Variants in MCF2L2 observed in about 807,000 individuals in gnomAD.
MCF2L2 encodes the protein probable guanine nucleotide exchange factor MCF2L2.
Under a neutral mutation model 150.2 loss-of-function variants are expected in MCF2L2, and 102 were observed. The ratio of observed to expected loss-of-function variants is 0.68; its 90% CI spans 0.58 to 0.80. The LOEUF is 0.80. MCF2L2 is among the 30% of genes least tolerant of loss of function. The probability of loss-of-function intolerance (pLI) is 0.00; values close to 1 mark genes in which losing one functional copy is unlikely to be tolerated. For synonymous variants in MCF2L2, 465 were observed against 491.3 expected, an observed-to-expected ratio of 0.95 and a Z score of 0.71; for missense variants, 1,256 against 1,372.8, an observed-to-expected ratio of 0.91 and a Z score of 1.34.
intron 1 of MCF2L2, among the ~76,000 whole-genome samples, chr3:183,401,417 T>C (rs1390016851): frequency 6.6e-6 from 1 of 152,190 alleles, no homozygotes; most frequent in African/African-American, 2.4e-5. Flanking sequence ...GAAGACTTTT[T>C]TAAAAAAAAA....
At chr3:183,340,846 G>A (rs1730668326) in intron 4 of MCF2L2, among the ~76,000 whole-genome samples, 2 of 152,198 alleles carry the variant, frequency 1.3e-5, no homozygotes, top group Admixed American at 1.3e-4. Context: ...GGGAGGCTGA[G>A]GCAGGAGAAT....
chr3:183,303,825 C>A (rs558251500), intron 10 of MCF2L2, among the ~76,000 whole-genome samples: 3 of 152,134 alleles, frequency 2.0e-5, no homozygotes, highest in Admixed American at 6.5e-5. Context: ...CTTTCCTGGG[C>A]GCCCAGGGTC....
At chr3:183,369,289 G>A (rs927084901) in intron 3 of MCF2L2, among the ~76,000 whole-genome samples, 3 of 152,064 alleles carry the variant, frequency 2.0e-5, no homozygotes, top group Non-Finnish European at 4.4e-5. Flanking sequence ...CCTTTCAAAA[G>A]ACTCTACCAC....
chr3:183,229,003 G>C (rs185779434), intron 17 of MCF2L2, among the ~76,000 whole-genome samples: 3 of 152,204 alleles, frequency 2.0e-5, no homozygotes, highest in Non-Finnish European at 2.9e-5. Context: ...TCAGTTTTGC[G>C]TCTGACCAAC....
chr3:183,387,837 C>T (rs1713918538), intron 2 of MCF2L2, among the ~76,000 whole-genome samples: 1 of 144,724 alleles, frequency 6.9e-6, no homozygotes, highest in African/African-American at 2.6e-5. Context: ...GAGGCTGAGG[C>T]AGGATAATCA....
chr3:183,315,940 C>A (rs1729585234), intron 7 of MCF2L2, among the ~76,000 whole-genome samples: 2 of 152,220 alleles, frequency 1.3e-5, no homozygotes, highest in Non-Finnish European at 2.9e-5. Flanking sequence ...TGCTCTTCGA[C>A]CTCTCCACGC....
chr3:183,409,234 C>T (rs1281758510), intron 1 of MCF2L2, among the ~76,000 whole-genome samples: 2 of 151,716 alleles, frequency 1.3e-5, no homozygotes, highest in Non-Finnish European at 2.9e-5. Flanking sequence ...CTTTCATTTT[C>T]TATTTGATTT....
chr3:183,261,961 TA>T (rs59219335), intron 15 of MCF2L2, among the ~76,000 whole-genome samples: 9,823 of 112,034 alleles, frequency 0.088, 1,095 homozygotes, highest in African/African-American at 0.27. Flanking sequence ...TGTCCAGCAT[TA>T]AAAAAAAAAA....
rs74285568 is a variant in MCF2L2 at position 183,326,862 on chromosome 3, C to T, written c.487-3511G>A. ...ACCCCCAAAATCCCTCCCTGAACCC[C>T]GGCAAACACTAATCTGATTTTTTAC... On this transcript the variant is annotated intron_variant, in intron 5 of 29. Transcript: ENST00000328913. 8.7e-3 allele frequency among the ~76,000 whole-genome samples: 1,320 copies of T among 152,160 alleles called. 46 individuals carry two copies. In the East Asian group the frequency reaches 0.087, roughly 10 times the overall value.
Position 183,202,746 on chromosome 3 carries a change from A to G in MCF2L2, c.2884+3130T>C, listed in dbSNP as rs189708667. Among the ~76,000 whole-genome samples, 17 of 152,376 alleles carry G rather than the reference A, an allele frequency of 1.1e-4. No individual in the cohort carries two copies. In the East Asian group the frequency reaches 3.3e-3, roughly 29 times the overall value. ...TAGTTTAGAAAAGTCACTATAACAA[A>G]CAACAATAAACAGCAACACCAACAA... is the stretch of plus-strand genomic sequence containing the variant. On this transcript the variant is annotated intron_variant, in intron 25 of 29. Coordinates refer to ENST00000328913, the MANE Select transcript of MCF2L2 (RefSeq NM_015078.4).
At chr3:183,366,916 G>C (rs758541395) in intron 3 of MCF2L2, among the ~76,000 whole-genome samples, 3 of 152,080 alleles carry the variant, frequency 2.0e-5, no homozygotes, top group Non-Finnish European at 4.4e-5. Flanking sequence ...ATGCAATAAA[G>C]GTATATGCCA....
intron 14 of MCF2L2, among the ~76,000 whole-genome samples, chr3:183,279,525 C>T (rs1727356941): frequency 1.3e-5 from 2 of 152,116 alleles, no homozygotes; most frequent in East Asian, 3.9e-4. Context: ...TCCTTTTTCC[C>T]TTCCTTCACC....
At chr3:183,405,238 G>C (rs938318912) in intron 1 of MCF2L2, among the ~76,000 whole-genome samples, 2 of 152,164 alleles carry the variant, frequency 1.3e-5, no homozygotes, top group East Asian at 3.8e-4. Context: ...ATTAGAAAAT[G>C]GGATTATAGA....
At chr3:183,386,206 A>G (rs1258044155) in intron 2 of MCF2L2, among the ~76,000 whole-genome samples, 1 of 152,118 alleles carries the variant, frequency 6.6e-6, no homozygotes, top group Non-Finnish European at 1.5e-5. Context: ...TGGAATGTGA[A>G]CCCAGAATTG....
At chr3:183,290,123 A>C (rs1419484546) in intron 13 of MCF2L2, among the ~76,000 whole-genome samples, 1 of 152,184 alleles carries the variant, frequency 6.6e-6, no homozygotes, top group Non-Finnish European at 1.5e-5. Flanking sequence ...AAGCACAATC[A>C]CTTAGTATAT....
In MCF2L2 at chr3:183,203,145, G is replaced by A. The variant is rs920015664; in HGVS notation, c.2884+2731C>T. ...GAAGAATTGCTTGAACCCAGGAGGCGGAGGTTGCAGTGAGCTGAGATCATG... is the reference window on the plus strand; with the variant it reads ...GAAGAATTGCTTGAACCCAGGAGGCAGAGGTTGCAGTGAGCTGAGATCATG... On this transcript the variant is annotated intron_variant, in intron 25 of 29. Coordinates refer to ENST00000328913, the MANE Select transcript of MCF2L2 (RefSeq NM_015078.4). Among the ~76,000 whole-genome samples, 58 of 152,202 alleles carry A rather than the reference G, an allele frequency of 3.8e-4. 1 individual carries two copies. The highest frequency in any genetic ancestry group is 6.8e-3 in the Middle Eastern group (2 of 294).
chr3:183,204,274 C>T (rs1351847972), intron 25 of MCF2L2, among the ~76,000 whole-genome samples: 3 of 152,026 alleles, frequency 2.0e-5, no homozygotes, highest in Non-Finnish European at 2.9e-5. Context: ...ATATAAATAA[C>T]TCTTACAATT....
chr3:183,359,859 G>A (rs1446386522), intron 3 of MCF2L2, among the ~76,000 whole-genome samples: 1 of 152,164 alleles, frequency 6.6e-6, no homozygotes. Context: ...TGGGGACTTT[G>A]AAGAATTCCA....
At chr3:183,301,203 T>A (rs554133433) in intron 10 of MCF2L2, among the ~76,000 whole-genome samples, 1 of 152,142 alleles carries the variant, frequency 6.6e-6, no homozygotes, top group South Asian at 2.1e-4. Context: ...ATCCTTCTCA[T>A]ATTATTGAGA....
Sources: gnomAD v4.1 joint callset for allele counts (sites outside exome capture counted in the v4.1 genomes callset) on GRCh38, gnomAD v4.1.1 for gene constraint, MANE v1.5 for transcripts, NCBI Gene and HGNC (gene_info 2026-07-23, HGNC 2026-07-21) for gene names.